Variants in FAM227B observed in about 807,000 individuals in gnomAD.
FAM227B encodes the protein protein FAM227B.
A neutral mutation model predicts 73.8 loss-of-function variants in FAM227B; 88 were observed. That is an observed-to-expected ratio of 1.19 (90% CI 1.00 to 1.42). The LOEUF is 1.42. Ranked by LOEUF, FAM227B falls within the 40% of genes most tolerant of loss-of-function variation. FAM227B has a pLI of 0.00. For synonymous variants in FAM227B, 210 were observed against 190.5 expected (o/e 1.10, Z -0.84); for missense variants, 632 against 590.9 (o/e 1.07, Z -0.72).
At chr15:49,397,459 C>A (rs2047769321) in intron 11 of FAM227B, among the ~76,000 whole-genome samples, 1 of 152,000 alleles carries the variant, frequency 6.6e-6, no homozygotes, top group African/African-American at 2.4e-5. Flanking sequence ...CCCAATCTAG[C>A]AAGGCAGGCC....
rs578167764 is a variant in FAM227B at position 49,451,200 on chromosome 15, G to T, written c.1012+57011C>A. 1.1e-4 allele frequency among the ~76,000 whole-genome samples: 16 copies of T among 151,902 alleles called. No homozygotes were observed. The South Asian group carries it at 2.3e-3, about 22-fold the overall frequency. ...ACTTACATATAAAATAAATAATACGGTCATTTAAAATTTTAACCAATTAGA... is the reference window on the plus strand; with the variant it reads ...ACTTACATATAAAATAAATAATACGTTCATTTAAAATTTTAACCAATTAGA... On this transcript the variant is annotated intron_variant, in intron 11 of 15. Transcript: ENST00000299338.
chr15:49,407,044 C>T (rs958627752), intron 11 of FAM227B, among the ~76,000 whole-genome samples: 4 of 152,168 alleles, frequency 2.6e-5, no homozygotes, highest in African/African-American at 9.7e-5. Flanking sequence ...CAAGACTGAC[C>T]TGCAGAGTTC....
At chr15:49,420,698 C>T (rs111688376) in intron 11 of FAM227B, among the ~76,000 whole-genome samples, 3,755 of 152,032 alleles carry the variant, frequency 0.025, 122 homozygotes, top group South Asian at 0.16. Context: ...TGATTATGAA[C>T]GAGGCAAAGT....
At chr15:49,444,441 T>C (rs2051985605) in intron 11 of FAM227B, among the ~76,000 whole-genome samples, 2 of 151,796 alleles carry the variant, frequency 1.3e-5, no homozygotes, top group African/African-American at 4.8e-5. Flanking sequence ...TATTTGCCTT[T>C]AAAAACTTTT....
intron 1 of FAM227B, among the ~76,000 whole-genome samples, chr15:49,616,443 A>T (rs2153343732): frequency 6.6e-6 from 1 of 152,258 alleles, no homozygotes; most frequent in East Asian, 1.9e-4. Context: ...GAGGAGAAAG[A>T]GTGATTTTTT....
intron 8 of FAM227B, among the ~76,000 whole-genome samples, chr15:49,573,579 C>T (rs1195419120): frequency 6.6e-6 from 1 of 152,150 alleles, no homozygotes; most frequent in Non-Finnish European, 1.5e-5. Context: ...AGGAGGGGCC[C>T]TCTTGCTTGT....
intron 10 of FAM227B, among the ~76,000 whole-genome samples, chr15:49,523,212 T>A (rs2059911387): frequency 6.6e-6 from 1 of 152,202 alleles, no homozygotes; most frequent in Non-Finnish European, 1.5e-5. Context: ...AAAAGCCAGC[T>A]GATATGGTTT....
At chr15:49,550,316 C>T (rs374526228) in intron 9 of FAM227B, among the ~76,000 whole-genome samples, 14,074 of 137,256 alleles carry the variant, frequency 0.1, 990 homozygotes, top group East Asian at 0.36. Context: ...CCGGACGGGG[C>T]GGCTGGCCGG....
chr15:49,412,290 AT>A (rs1176980468), intron 11 of FAM227B, among the ~76,000 whole-genome samples: 4 of 152,052 alleles, frequency 2.6e-5, no homozygotes, highest in Non-Finnish European at 5.9e-5. Flanking sequence ...ATTAGACAAT[AT>A]TTTAGTTTTA....
chr15:49,489,860 T>TTTA (rs2056865291), intron 11 of FAM227B, among the ~76,000 whole-genome samples: 1 of 6,796 alleles, frequency 1.5e-4, no homozygotes, highest in East Asian at 4.3e-3. Flanking sequence ...TATATATATT[T>TTTA]TATATATATA....
Position 49,605,173 on chromosome 15 carries a change from C to T in FAM227B, c.105+6042G>A, listed in dbSNP as rs867800347. On this transcript the variant is annotated intron_variant, in intron 3 of 15. Coordinates refer to ENST00000299338, the MANE Select transcript of FAM227B (RefSeq NM_152647.3). ...CTGGCTTCAGCACAAAAGCCCTTCA[C>T]CTGTCAGCCCACCCAGAAAATGTAG... Among the ~76,000 whole-genome samples, 9 of 152,160 alleles carry T rather than the reference C, an allele frequency of 5.9e-5. No homozygotes were observed. The South Asian group carries it at 1.4e-3, about 25-fold the overall frequency.
intron 9 of FAM227B, among the ~76,000 whole-genome samples, chr15:49,554,275 G>A (rs527418774): frequency 3.9e-5 from 6 of 152,254 alleles, no homozygotes; most frequent in Non-Finnish European, 8.8e-5. Flanking sequence ...TGAGAGAGGT[G>A]ATGCCGGTAC....
rs943999271 is a variant in FAM227B at position 49,396,217 on chromosome 15, G to C, written c.1013-24818C>G. ...AGGGGTCAGGGAGTTCCCTTTCCGAGTCAAAGAAAGGGGTGACGGACGGCA... is the reference window on the plus strand; with the variant it reads ...AGGGGTCAGGGAGTTCCCTTTCCGACTCAAAGAAAGGGGTGACGGACGGCA... On this transcript the variant is annotated intron_variant, in intron 11 of 15. Coordinates refer to ENST00000299338, the MANE Select transcript of FAM227B (RefSeq NM_152647.3). 3 of 349,030 alleles carry C rather than the reference G, an allele frequency of 8.6e-6. No homozygotes were observed. In the East Asian group the frequency reaches 2.5e-4, roughly 30 times the overall value. The allele number at this position is 349,030 out of a possible 1,614,324, so 21.6% of individuals were successfully genotyped here.
At chr15:49,331,691 C>T (rs1228669947) in intron 15 of FAM227B, 89 bp downstream of exon 15, 4 of 792,610 alleles carry the variant, frequency 5.0e-6, no homozygotes, top group Non-Finnish European at 8.8e-6. Context: ...TTTGGGTGTG[C>T]CACCATACAT....
At chr15:49,579,824 T>A (rs552343212) in intron 5 of FAM227B, among the ~76,000 whole-genome samples, 19 of 152,196 alleles carry the variant, frequency 1.2e-4, no homozygotes, top group African/African-American at 4.3e-4. Context: ...AAAAAAATGA[T>A]AGCTATTCTA....
At chr15:49,461,784 T>C (rs1368670818) in intron 11 of FAM227B, among the ~76,000 whole-genome samples, 1 of 152,332 alleles carries the variant, frequency 6.6e-6, no homozygotes, top group East Asian at 1.9e-4. Flanking sequence ...CTTATGCTAA[T>C]TATGGTACTG....
chr15:49,484,725 A>T (rs2056262709), intron 11 of FAM227B: 1 of 369,272 alleles, frequency 2.7e-6, no homozygotes, highest in African/African-American at 2.1e-5. Flanking sequence ...AGATTTAGTA[A>T]CTAAAGGTTG....
chr15:49,388,437 G>T (rs1596777674), intron 11 of FAM227B, among the ~76,000 whole-genome samples: 1 of 151,990 alleles, frequency 6.6e-6, no homozygotes, highest in South Asian at 2.1e-4. Context: ...GCCACACATT[G>T]AAGAATGAAA....
At chr15:49,396,733 G>A (rs1210746068) in intron 11 of FAM227B, among the ~76,000 whole-genome samples, 1 of 148,664 alleles carries the variant, frequency 6.7e-6, no homozygotes, top group Non-Finnish European at 1.5e-5. Flanking sequence ...CCCAGCAGGG[G>A]CACACTGACA....
Sources: allele counts gnomAD v4.1 joint callset (sites outside exome capture counted in the v4.1 genomes callset), GRCh38; gene constraint gnomAD v4.1.1; transcripts MANE v1.5; gene names NCBI Gene and HGNC (gene_info 2026-07-23, HGNC 2026-07-21).